NEBL: variants seen among roughly 807,000 people sequenced by gnomAD.
NEBL encodes nebulette, also known as LIM and SH3 protein 2.
In NEBL, 122 loss-of-function variants were observed where a neutral mutation model predicts 140.2. That is an observed-to-expected ratio of 0.87 (90% CI 0.75 to 1.01). The LOEUF is 1.01. Ranked by LOEUF, NEBL falls within the 50% of genes least tolerant of loss-of-function variation. The probability of loss-of-function intolerance (pLI) is 0.00; values close to 1 mark genes in which losing one functional copy is unlikely to be tolerated. For synonymous variants in NEBL, 436 were observed against 398.9 expected, an observed-to-expected ratio of 1.09 and a Z score of -1.11; for missense variants, 1,365 against 1,231.3, an observed-to-expected ratio of 1.11 and a Z score of -1.62.
chr10:20,862,412 A>G (rs1028843878), intron 7 of NEBL, among the ~76,000 whole-genome samples: 7 of 152,176 alleles, frequency 4.6e-5, no homozygotes, highest in African/African-American at 7.2e-5. Context: ...CTGACACCCA[A>G]TTGTTTCTAA....
chr10:20,898,548 C>T (rs1847682443), upstream of NEBL, among the ~76,000 whole-genome samples: 1 of 151,942 alleles, frequency 6.6e-6, no homozygotes, highest in Non-Finnish European at 1.5e-5. Flanking sequence ...TTCCATGAGG[C>T]AAAAGTTCCA....
intron 3 of NEBL, among the ~76,000 whole-genome samples, chr10:20,999,903 G>A (rs1837820164): frequency 6.6e-6 from 1 of 152,044 alleles, no homozygotes; most frequent in Admixed American, 6.5e-5. Flanking sequence ...TCCCCATGCT[G>A]ATGTTTGAGA....
At chr10:20,899,294 G>T, upstream of NEBL, 2 of 829,148 alleles carry the variant, frequency 2.4e-6, no homozygotes, top group Non-Finnish European at 3.4e-6. Flanking sequence ...TGCCAAAACT[G>T]CCTGAGACAC....
At chr10:21,247,056 C>T (rs1211109149) in intron 3 of NEBL, among the ~76,000 whole-genome samples, 1 of 152,042 alleles carries the variant, frequency 6.6e-6, no homozygotes, top group Non-Finnish European at 1.5e-5. Flanking sequence ...CCCCTTCACT[C>T]TCTCTCTCCC....
At chr10:21,104,202 T>C (rs1047713540) in intron 2 of NEBL, among the ~76,000 whole-genome samples, 1 of 152,236 alleles carries the variant, frequency 6.6e-6, no homozygotes, top group Non-Finnish European at 1.5e-5. Flanking sequence ...CTATAAGTGT[T>C]CTAACTTTGT....
At chr10:21,013,384 A>T (rs2131746018) in intron 3 of NEBL, among the ~76,000 whole-genome samples, 1 of 152,322 alleles carries the variant, frequency 6.6e-6, no homozygotes, top group African/African-American at 2.4e-5. Flanking sequence ...AAGAAGCATT[A>T]CCATGGATCA....
At chr10:21,281,206 T>C (rs1180568513) in intron 1 of NEBL, among the ~76,000 whole-genome samples, 1 of 152,210 alleles carries the variant, frequency 6.6e-6, no homozygotes, top group Non-Finnish European at 1.5e-5. Flanking sequence ...TACTTCCTCC[T>C]TTTATGAATA....
intron 4 of NEBL, among the ~76,000 whole-genome samples, chr10:20,929,632 G>A (rs753826450): frequency 8.6e-5 from 13 of 151,932 alleles, no homozygotes; most frequent in Admixed American, 3.3e-4. Context: ...GGCCATTATC[G>A]TTAAGTGAAA....
At chr10:20,950,682 C>T (rs1482772300) in intron 4 of NEBL, among the ~76,000 whole-genome samples, 2 of 152,172 alleles carry the variant, frequency 1.3e-5, no homozygotes, top group Non-Finnish European at 2.9e-5. Flanking sequence ...TTATACTTTA[C>T]AGTCAAAGCC....
intron 12 of NEBL, 43 bp from the exon 13 acceptor site, chr10:20,840,892 A>G: frequency 8.7e-7 from 1 of 1,143,876 alleles, no homozygotes; most frequent in Non-Finnish European, 1.3e-6. Flanking sequence ...AGCAGGAATC[A>G]CTTTATTCAG....
At chr10:21,110,186 T>A (rs1732041779) in intron 2 of NEBL, among the ~76,000 whole-genome samples, 1 of 152,188 alleles carries the variant, frequency 6.6e-6, no homozygotes, top group African/African-American at 2.4e-5. Flanking sequence ...ATCAAGGTCA[T>A]GCTGGCCTTG....
intron 26 of NEBL, among the ~76,000 whole-genome samples, chr10:20,790,825 T>C (rs7913123): frequency 0.42 from 64,180 of 151,982 alleles, 13,701 homozygotes; most frequent in South Asian, 0.55. Flanking sequence ...GAGAATTTGG[T>C]TGAAAGATAG....
At chr10:21,219,977 G>A (rs1478913919) in intron 3 of NEBL, among the ~76,000 whole-genome samples, 1 of 151,502 alleles carries the variant, frequency 6.6e-6, no homozygotes, top group Non-Finnish European at 1.5e-5. Flanking sequence ...ACCATGGGAC[G>A]ATCTCGGCTC....
chr10:20,953,930 G>T (rs1390390406), intron 4 of NEBL, among the ~76,000 whole-genome samples: 1 of 151,436 alleles, frequency 6.6e-6, no homozygotes, highest in Non-Finnish European at 1.5e-5. Flanking sequence ...CATTGAAGGG[G>T]TAGACTCATT....
At chr10:21,248,777 TG>T (rs1355802677) in intron 2 of NEBL, among the ~76,000 whole-genome samples, 1 of 152,166 alleles carries the variant, frequency 6.6e-6, no homozygotes, top group Non-Finnish European at 1.5e-5. Context: ...ATTTTGCCTT[TG>T]CACCAGCAAT....
At position 20,817,691 on chromosome 10, in the gene NEBL, A is replaced by G. The variant is rs74120667; in HGVS notation, c.2057T>C (p.Val686Ala). 2,644 of 1,608,220 alleles carry G rather than the reference A, an allele frequency of 1.6e-3. 49 individuals carry two copies. The African/African-American group carries it at 0.029, about 18-fold the overall frequency. ...CCGTTGAAGTTCTCCCTTATATTTT[A>G]CCTAAGAAGGATAAATAAGAACTTT... ...VRRNQEQLSA[V>A]KYKGELQRGT... Residue 686 changes from valine (V) to alanine (A), a missense_variant and splice_region_variant, in exon 21 of 28, where the codon GTA becomes GCA. Val to Ala is a moderately conservative substitution (Grantham distance 64). Coordinates refer to ENST00000377122, the MANE Select transcript of NEBL (RefSeq NM_006393.3).
intron 1 of NEBL, among the ~76,000 whole-genome samples, chr10:21,288,850 A>ATATATAT (rs1554836851): frequency 4.1e-5 from 3 of 73,480 alleles, no homozygotes; most frequent in African/African-American, 6.5e-5. Flanking sequence ...ATATATATAT[A>ATATATAT]AAAATTTTTT....
chr10:20,885,251 TG>T (rs1344263369), intron 4 of NEBL, among the ~76,000 whole-genome samples: 1 of 151,910 alleles, frequency 6.6e-6, no homozygotes, highest in African/African-American at 2.4e-5. Context: ...TCTACTTTCT[TG>T]CCCCGCTTAT....
At chr10:20,858,412 T>C in intron 8 of NEBL, 68 bp from the exon 9 acceptor site, 2 of 1,277,566 alleles carry the variant, frequency 1.6e-6, no homozygotes, top group Non-Finnish European at 2.3e-6. Context: ...CATTATTGCA[T>C]TTTTCATACA....
Sources: gnomAD v4.1 joint callset for allele counts (sites outside exome capture counted in the v4.1 genomes callset) on GRCh38, gnomAD v4.1.1 for gene constraint, MANE v1.5 for transcripts, NCBI Gene and HGNC (gene_info 2026-07-23, HGNC 2026-07-21) for gene names.